MIS18BP1: variants seen among roughly 807,000 people sequenced by gnomAD.
MIS18BP1 encodes the protein MIS18 binding protein 1.
In MIS18BP1, 72 loss-of-function variants were observed where a neutral mutation model predicts 116.1. The ratio of observed to expected loss-of-function variants is 0.62; its 90% CI spans 0.51 to 0.75. The LOEUF (loss-of-function observed/expected upper bound fraction) is 0.75. Ranked by LOEUF, MIS18BP1 falls within the 30% of genes least tolerant of loss-of-function variation. The pLI is 0.00. For synonymous variants in MIS18BP1, 386 were observed against 427.0 expected (o/e 0.90, Z 1.18); for missense variants, 1,363 against 1,303.2 (o/e 1.05, Z -0.71).
intron 13 of MIS18BP1, among the ~76,000 whole-genome samples, chr14:45,214,212 G>A (rs1890751714): frequency 6.6e-6 from 1 of 152,190 alleles, no homozygotes; most frequent in African/African-American, 2.4e-5. Flanking sequence ...GAAGGTATCT[G>A]TCTCCTGCTC....
At chr14:45,210,213 C>T in intron 14 of MIS18BP1, 167 bp downstream of exon 14, 2 of 635,936 alleles carry the variant, frequency 3.1e-6, no homozygotes, top group Non-Finnish European at 5.1e-6. Context: ...TGAATAGCAC[C>T]CCGATTTGAT....
intron 1 of MIS18BP1, among the ~76,000 whole-genome samples, chr14:45,249,605 T>G (rs898232281): frequency 2.0e-4 from 31 of 152,058 alleles, no homozygotes; most frequent in African/African-American, 7.0e-4. Context: ...GCACAGTGGC[T>G]CACGCCTATA....
At chr14:45,244,745 T>C (rs1891679888) in intron 2 of MIS18BP1, among the ~76,000 whole-genome samples, 1 of 152,218 alleles carries the variant, frequency 6.6e-6, no homozygotes, top group South Asian at 2.1e-4. Context: ...CAAACTTCAA[T>C]ACCTGTTTTC....
At chr14:45,223,810 CTTTTT>C (rs571070164) in intron 11 of MIS18BP1, 103 bp downstream of exon 11, 5 of 791,444 alleles carry the variant, frequency 6.3e-6, no homozygotes, top group Non-Finnish European at 7.6e-6. Flanking sequence ...TAATTTCTCC[CTTTTT>C]TTTAATGACA....
At chr14:45,227,566 CAG>C in intron 9 of MIS18BP1, 95 bp downstream of exon 9, 3 of 627,674 alleles carry the variant, frequency 4.8e-6, no homozygotes, top group Non-Finnish European at 2.4e-6. Context: ...AAAAAAAAAA[CAG>C]AACTCACGTC....
intron 5 of MIS18BP1, among the ~76,000 whole-genome samples, chr14:45,236,658 A>G (rs982963073): frequency 1.3e-5 from 2 of 152,216 alleles, no homozygotes; most frequent in Admixed American, 6.5e-5. Context: ...ACCTTAATAC[A>G]GTATTACTTC....
chr14:45,219,170 G>A (rs982446924), intron 11 of MIS18BP1, among the ~76,000 whole-genome samples: 1 of 152,100 alleles, frequency 6.6e-6, no homozygotes, highest in African/African-American at 2.4e-5. Flanking sequence ...TAGCCTAAAA[G>A]TGATATTAAC....
At chr14:45,237,794 T>C (rs756861493) in intron 4 of MIS18BP1, 73 bp from the exon 5 acceptor site, 63 of 1,506,880 alleles carry the variant, frequency 4.2e-5, no homozygotes, top group Non-Finnish European at 5.5e-5. Context: ...TTAACTTACA[T>C]TAAAAGAAAA....
rs1594505059 is a variant in MIS18BP1, at chr14:45,217,280, T to C, written c.2843-101A>G. ...CAAAGTCTAAATTGTGCATTCATGT[T>C]AAAAAAAAACCAAAAAACTCAGCCT... On this transcript the variant is annotated intron_variant, in intron 12 of 16. Coordinates refer to ENST00000310806, the MANE Select transcript of MIS18BP1 (RefSeq NM_018353.5). 7 of 1,379,548 alleles carry C rather than the reference T, an allele frequency of 5.1e-6. No individual in the cohort carries two copies. The East Asian group carries it at 1.7e-4, about 33-fold the overall frequency. The allele number at this position is 1,379,548 out of a possible 1,614,324, so 85.5% of individuals were successfully genotyped here.
chr14:45,221,310 G>A (rs1299943155), intron 11 of MIS18BP1, among the ~76,000 whole-genome samples: 1 of 150,352 alleles, frequency 6.7e-6, no homozygotes, highest in Non-Finnish European at 1.5e-5. Context: ...GGTCGCGGGC[G>A]CCTGTAGTCC....
rs779671528 is a variant in MIS18BP1, at chr14:45,224,648, T to C, written c.1939A>G (p.Lys647Glu). ...AGTGGTGTTACTAAAATATAAGCTT[T>C]CTTCTGATTGATGGCCATGTATTTT... Reference protein sequence around the residue: ...ERKYMAINQKKAYILVTPLKS... With the variant: ...ERKYMAINQKEAYILVTPLKS... Residue 647 changes from lysine to glutamate, a missense_variant, in exon 11 of 17, where the codon AAA becomes GAA. By Grantham distance (56) the Lys-to-Glu change is moderately conservative (BLOSUM62 1). Coordinates refer to ENST00000310806, the MANE Select transcript of MIS18BP1 (RefSeq NM_018353.5). The C allele has an allele frequency of 1.2e-6, 2 of 1,613,334 alleles. No individual in the cohort carries two copies. Among genetic ancestry groups the C allele is most frequent in the Non-Finnish European group, 1.7e-6 (2 of 1,179,778 alleles).
chr14:45,232,668 A>G, intron 7 of MIS18BP1, 65 bp downstream of exon 7: 1 of 899,792 alleles, frequency 1.1e-6, no homozygotes, highest in Non-Finnish European at 1.7e-6. Context: ...GGTGGCACAC[A>G]CATAATTAAA....
At chr14:45,206,023 C>T in intron 15 of MIS18BP1, 60 bp downstream of exon 15, 1 of 1,077,300 alleles carries the variant, frequency 9.3e-7, no homozygotes, top group Non-Finnish European at 1.4e-6. Context: ...ACAACTACCA[C>T]AGTTTATCAC....
Position 45,217,008 on chromosome 14 carries a change from A to C in MIS18BP1, c.3003+11T>G. 1 of 1,611,106 alleles carries C rather than the reference A, an allele frequency of 6.2e-7. No individual in the cohort carries two copies. Among genetic ancestry groups the C allele is most frequent in the East Asian group, 2.2e-5 (1 of 44,832 alleles). On this transcript the variant is annotated intron_variant, in intron 13 of 16. Coordinates refer to ENST00000310806, the MANE Select transcript of MIS18BP1 (RefSeq NM_018353.5). ...TACAGATAAGGAAAACAATGATTTCATGCCTCTTACCAGTATTCTTTGATG... is the reference window on the plus strand; with the variant it reads ...TACAGATAAGGAAAACAATGATTTCCTGCCTCTTACCAGTATTCTTTGATG...
intron 4 of MIS18BP1, among the ~76,000 whole-genome samples, chr14:45,239,290 C>G (rs1891512026): frequency 6.6e-6 from 1 of 151,828 alleles, no homozygotes; most frequent in Admixed American, 6.6e-5. Context: ...GGCATCTAAA[C>G]CAATATGAAA....
Position 45,242,366 on chromosome 14 carries a change from C to G in MIS18BP1, c.811G>C (p.Glu271Gln). Residue 271 changes from glutamate to glutamine, a missense_variant, in exon 4 of 17, where the codon GAA becomes CAA. Coordinates refer to ENST00000310806, the MANE Select transcript of MIS18BP1 (RefSeq NM_018353.5). The part of the protein sequence containing the change: ...TKSKKDTFVL[E>Q]SVDSADEQFQ... ...TGTTCATCAGCAGAATCAACGCTTTCTAAAACAAACGTGTCCTTTTTGGAT... is the reference window on the plus strand; with the variant it reads ...TGTTCATCAGCAGAATCAACGCTTTGTAAAACAAACGTGTCCTTTTTGGAT... The G allele has an allele frequency of 1.2e-6, 2 of 1,614,094 alleles. No homozygotes were observed. The highest frequency in any genetic ancestry group is 2.2e-5 in the East Asian group (1 of 44,874).
Position 45,204,141 on chromosome 14 carries a change from C to G in MIS18BP1, c.3367G>C (p.Asp1123His). 6.2e-7 allele frequency: 1 copy of G among 1,610,662 alleles called. No homozygotes were observed. Among genetic ancestry groups the G allele is most frequent in the Non-Finnish European group, 8.5e-7 (1 of 1,178,756 alleles). ...AVESLDEEEK[D>H]YYFSNSDSA ...GAATCAGAGTTCGAAAAATAATAAT[C>G]TTTCTCTTCTTCATCTAAAGATTCC... is the stretch of plus-strand genomic sequence containing the variant. The change falls in exon 17 of 17, where the codon GAT becomes CAT. Residue 1123 changes from aspartate to histidine, a missense_variant. Transcript: ENST00000310806.
Position 45,246,804 on chromosome 14 carries a change from G to A in MIS18BP1, c.483C>T (p.Thr161=), listed in dbSNP as rs751354048. 4.4e-6 allele frequency: 7 copies of A among 1,591,830 alleles called. No homozygotes were observed. The Admixed American group carries it at 5.6e-5, about 13-fold the overall frequency. ...TGTTTTCCTTTTCTTCACATAGGTA[G>A]GTATGCTGCAATTTTTTTTTTTCAA... ...NRVEKKKLQH[T]YLCEEKENNK... The change falls in exon 2 of 17, where the codon ACC becomes ACT. Residue 161 remains threonine, a synonymous_variant. Coordinates refer to ENST00000310806, the MANE Select transcript of MIS18BP1 (RefSeq NM_018353.5).
At chr14:45,215,984 G>T (rs557194941) in intron 13 of MIS18BP1, among the ~76,000 whole-genome samples, 77 of 152,276 alleles carry the variant, frequency 5.1e-4, no homozygotes, top group Non-Finnish European at 3.4e-4. Context: ...GATTATAGGT[G>T]TGAGCCACCG....
Sources: gnomAD v4.1 joint callset for allele counts (sites outside exome capture counted in the v4.1 genomes callset) on GRCh38, gnomAD v4.1.1 for gene constraint, MANE v1.5 for transcripts, NCBI Gene and HGNC (gene_info 2026-07-23, HGNC 2026-07-21) for gene names.